The following MORC1 variants were observed in gnomAD, a reference collection of about 807,000 sequenced individuals.
MORC1 encodes the protein MORC family CW-type zinc finger 1, also known as MORC family CW-type zinc finger protein 1.
Under a neutral mutation model 134.9 loss-of-function variants are expected in MORC1, and 59 were observed. The ratio of observed to expected loss-of-function variants is 0.44; its 90% CI spans 0.35 to 0.54. The LOEUF is 0.54. Among genes scored for constraint, MORC1 ranks in the 20% least tolerant of loss-of-function variants. MORC1 has a pLI of 0.00. For synonymous variants in MORC1, 395 were observed against 391.7 expected (o/e 1.01, Z -0.10); for missense variants, 947 against 1,134.5 (o/e 0.83, Z 2.37).
At chr3:109,062,129 T>C (rs1182356561) in intron 10 of MORC1, 71 bp from the exon 11 acceptor site, 24 of 1,352,246 alleles carry the variant, frequency 1.8e-5, no homozygotes, top group Middle Eastern at 2.0e-4. Context: ...GTATTTTCTA[T>C]ACATGTAGCA....
At chr3:109,069,875 T>A in intron 8 of MORC1, 118 bp from the exon 9 acceptor site, 1 of 1,145,068 alleles carries the variant, frequency 8.7e-7, no homozygotes, top group South Asian at 2.4e-5. Flanking sequence ...TTCAAGAACT[T>A]TTCTTCTAAA....
chr3:109,116,282 G>T (rs995189115), intron 1 of MORC1, among the ~76,000 whole-genome samples: 1 of 152,192 alleles, frequency 6.6e-6, no homozygotes, highest in Non-Finnish European at 1.5e-5. Flanking sequence ...GGGAAGCAAA[G>T]AACCCAGTTA....
intron 14 of MORC1, among the ~76,000 whole-genome samples, chr3:109,051,584 A>G (rs1265528828): frequency 6.6e-6 from 1 of 152,096 alleles, no homozygotes; most frequent in Non-Finnish European, 1.5e-5. Flanking sequence ...TCTACTCTCT[A>G]CCTTCCTTCT....
At chr3:109,035,565 CTG>C in intron 14 of MORC1, 97 bp from the exon 15 acceptor site, 1 of 718,758 alleles carries the variant, frequency 1.4e-6, no homozygotes, top group Non-Finnish European at 2.2e-6. Flanking sequence ...ATGATCTCAA[CTG>C]TGTAAGTATT....
intron 21 of MORC1, among the ~76,000 whole-genome samples, chr3:108,988,470 T>C (rs994068449): frequency 6.6e-6 from 1 of 152,162 alleles, no homozygotes. Context: ...TTACTTCTGA[T>C]TAACATAAAA....
intron 26 of MORC1, among the ~76,000 whole-genome samples, chr3:108,967,804 G>A (rs529541794): frequency 6.6e-6 from 1 of 151,994 alleles, no homozygotes; most frequent in East Asian, 1.9e-4. Context: ...CCTGGGCAAT[G>A]TAGCAAGATC....
intron 8 of MORC1, among the ~76,000 whole-genome samples, chr3:109,072,314 G>A (rs1485790937): frequency 1.3e-5 from 2 of 152,078 alleles, no homozygotes; most frequent in Non-Finnish European, 2.9e-5. Context: ...AGCCACTCTT[G>A]CTTGGCGCAC....
chr3:109,004,977 G>T (rs1948502433), intron 19 of MORC1, 89 bp from the exon 20 acceptor site: 1 of 1,572,170 alleles, frequency 6.4e-7, no homozygotes, highest in South Asian at 1.2e-5. Context: ...TATAATTAAA[G>T]TGTCTTAAAA....
intron 8 of MORC1, among the ~76,000 whole-genome samples, chr3:109,082,172 A>G (rs573318768): frequency 2.0e-5 from 3 of 151,146 alleles, no homozygotes; most frequent in Non-Finnish European, 4.4e-5. Flanking sequence ...TGCTCTGATG[A>G]TTTACTAGAG....
intron 16 of MORC1, among the ~76,000 whole-genome samples, chr3:109,031,372 T>C (rs72935352): frequency 2.0e-5 from 3 of 152,202 alleles, no homozygotes. Context: ...AGGGAGGTTA[T>C]GTAATTTCTG....
At chr3:109,074,169 T>A (rs1271613237) in intron 8 of MORC1, among the ~76,000 whole-genome samples, 3 of 152,184 alleles carry the variant, frequency 2.0e-5, no homozygotes, top group African/African-American at 2.4e-5. Context: ...CTGTATTATA[T>A]CATCACTCTC....
chr3:108,978,433 G>A (rs560916726), intron 24 of MORC1, among the ~76,000 whole-genome samples: 4 of 152,124 alleles, frequency 2.6e-5, no homozygotes, highest in East Asian at 3.9e-4. Flanking sequence ...TCCCTCCTGG[G>A]GCAGGACTGG....
At chr3:109,013,268 TTTG>T (rs1004318157) in intron 17 of MORC1, among the ~76,000 whole-genome samples, 89 of 152,264 alleles carry the variant, frequency 5.8e-4, no homozygotes, top group African/African-American at 2.0e-3. Context: ...GCTACACTAG[TTTG>T]TTTTTTTAAA....
intron 8 of MORC1, among the ~76,000 whole-genome samples, chr3:109,070,833 T>C (rs1950300780): frequency 6.6e-6 from 1 of 152,206 alleles, no homozygotes; most frequent in African/African-American, 2.4e-5. Context: ...TTTAAGTTCC[T>C]TCAGGCAGGA....
intron 16 of MORC1, among the ~76,000 whole-genome samples, chr3:109,031,725 G>T (rs1316892380): frequency 6.6e-6 from 1 of 152,158 alleles, no homozygotes; most frequent in Admixed American, 6.5e-5. Flanking sequence ...TAGGCTTTCT[G>T]CAGAGTAGGG....
At chr3:109,037,560 T>C (rs535714126) in intron 14 of MORC1, among the ~76,000 whole-genome samples, 4 of 152,344 alleles carry the variant, frequency 2.6e-5, no homozygotes, top group African/African-American at 9.6e-5. Context: ...TCGTTTACAT[T>C]AGGTATTTCT....
At chr3:109,007,287 A>C (rs758631853) in intron 17 of MORC1, among the ~76,000 whole-genome samples, 196 bp from the exon 18 acceptor site, 3 of 152,230 alleles carry the variant, frequency 2.0e-5, no homozygotes, top group Non-Finnish European at 4.4e-5. Flanking sequence ...AGACAGTGCA[A>C]GAAAATCCAA....
chr3:109,058,199 T>C (rs751631063), intron 12 of MORC1, among the ~76,000 whole-genome samples: 19 of 152,178 alleles, frequency 1.2e-4, no homozygotes, highest in Non-Finnish European at 2.6e-4. Flanking sequence ...GAGGCACACC[T>C]GGTTTCAAAT....
chr3:109,048,730 G>GT (rs994431598), intron 14 of MORC1, among the ~76,000 whole-genome samples: 29 of 151,196 alleles, frequency 1.9e-4, no homozygotes, highest in African/African-American at 6.8e-4. Context: ...GTCCTCACAT[G>GT]TTTTTTTCTT....
Sources: allele counts gnomAD v4.1 joint callset (sites outside exome capture counted in the v4.1 genomes callset), GRCh38; gene constraint gnomAD v4.1.1; transcripts MANE v1.5; gene names NCBI Gene and HGNC (gene_info 2026-07-23, HGNC 2026-07-21).